RBFOX1: variants seen among roughly 807,000 people sequenced by gnomAD.
RBFOX1 encodes RNA binding fox-1 homolog 1, also known as RNA binding protein fox-1 homolog 1.
Under a neutral mutation model 57.7 loss-of-function variants are expected in RBFOX1, and 8 were observed. The ratio of observed to expected loss-of-function variants is 0.14; its 90% CI spans 0.08 to 0.25. RBFOX1 has a LOEUF of 0.25. Ranked by LOEUF, RBFOX1 falls within the 10% of genes least tolerant of loss-of-function variation. The pLI is 1.00. For synonymous variants in RBFOX1, 326 were observed against 222.4 expected (o/e 1.47, Z -4.15); for missense variants, 611 against 548.5 (o/e 1.11, Z -1.14).
At chr16:6,733,960 G>T (rs771211345) in intron 3 of RBFOX1, among the ~76,000 whole-genome samples, 29 of 152,086 alleles carry the variant, frequency 1.9e-4, no homozygotes, top group Non-Finnish European at 3.5e-4. Flanking sequence ...TATCTTTAAG[G>T]GTTGCCATAA....
intron 1 of RBFOX1, among the ~76,000 whole-genome samples, chr16:6,280,934 C>T (rs1464003453): frequency 6.7e-6 from 1 of 150,136 alleles, no homozygotes; most frequent in African/African-American, 2.5e-5. Context: ...GATCTGCATG[C>T]TAGCAATGCT....
chr16:6,916,770 C>G (rs535967519), intron 3 of RBFOX1, among the ~76,000 whole-genome samples: 32 of 152,266 alleles, frequency 2.1e-4, no homozygotes, highest in Admixed American at 1.1e-3. Context: ...CCCACTTAAA[C>G]TTTTCCCATC....
chr16:7,575,784 A>T (rs902654667), intron 5 of RBFOX1, among the ~76,000 whole-genome samples: 138 of 152,178 alleles, frequency 9.1e-4, no homozygotes, highest in African/African-American at 3.2e-3. Flanking sequence ...AGGTCCCAGA[A>T]AAAAGAGAAA....
At chr16:6,228,559 A>G (rs1305308841) in intron 1 of RBFOX1, among the ~76,000 whole-genome samples, 1 of 152,206 alleles carries the variant, frequency 6.6e-6, no homozygotes, top group African/African-American at 2.4e-5. Context: ...ACTAAGCCAG[A>G]CATAGAAAGA....
At chr16:7,100,754 C>A (rs540702420) in intron 4 of RBFOX1, among the ~76,000 whole-genome samples, 3 of 152,080 alleles carry the variant, frequency 2.0e-5, no homozygotes, top group African/African-American at 7.2e-5. Flanking sequence ...GAAAAAAGAT[C>A]CAATGGCCGT....
intron 2 of RBFOX1, among the ~76,000 whole-genome samples, chr16:6,557,033 ACACAT>A (rs2097109851): frequency 1.2e-4 from 15 of 124,506 alleles, no homozygotes; most frequent in African/African-American, 3.5e-4. Context: ...ATACATATAT[ACACAT>A]ATATATACAT....
Position 7,091,231 on chromosome 16 carries a change from T to G in RBFOX1, c.27+39133T>G, listed in dbSNP as rs185926572. ...CAAGTACACTTCCTCTGTTTTTACT[T>G]TAAGTTAAAATACTGCAATTTTTAA... On this transcript the variant is annotated intron_variant, in intron 4 of 15. Coordinates refer to ENST00000550418, the MANE Select transcript of RBFOX1 (RefSeq NM_018723.4). Among the ~76,000 whole-genome samples the G allele has an allele frequency of 1.2e-3, 188 of 152,268 alleles. 1 individual carries two copies. Among genetic ancestry groups the G allele is most frequent in the Non-Finnish European group, 2.0e-3 (133 of 68,030 alleles).
intron 4 of RBFOX1, among the ~76,000 whole-genome samples, chr16:5,939,492 C>T (rs2059238285): frequency 6.6e-6 from 1 of 152,174 alleles, no homozygotes; most frequent in African/African-American, 2.4e-5. Flanking sequence ...TCATGGAGGA[C>T]CTTCCACAGG....
intron 4 of RBFOX1, among the ~76,000 whole-genome samples, chr16:7,258,752 T>C (rs1462566928): frequency 1.3e-5 from 2 of 152,196 alleles, no homozygotes; most frequent in African/African-American, 4.8e-5. Context: ...TAACCTCAAC[T>C]TTATTAGTTG....
At chr16:5,749,675 G>A in intron 3 of RBFOX1, among the ~76,000 whole-genome samples, 1 of 152,162 alleles carries the variant, frequency 6.6e-6, no homozygotes, top group East Asian at 1.9e-4. Context: ...TGAAGCTTAT[G>A]CATTCGTCAC....
chr16:6,552,985 C>T (rs1567656393), intron 2 of RBFOX1, among the ~76,000 whole-genome samples: 1 of 152,088 alleles, frequency 6.6e-6, no homozygotes, highest in African/African-American at 2.4e-5. Flanking sequence ...AAAGAAAAAG[C>T]ATCAGCTGCC....
intron 14 of RBFOX1, chr16:7,693,479 GAAA>G: frequency 1.4e-5 from 7 of 502,610 alleles, no homozygotes; most frequent in South Asian, 3.1e-5. Flanking sequence ...GTTTAGTTAA[GAAA>G]AAAAAAAAAG....
intron 2 of RBFOX1, among the ~76,000 whole-genome samples, chr16:6,512,614 G>A (rs891274443): frequency 1.4e-4 from 21 of 152,136 alleles, no homozygotes; most frequent in Non-Finnish European, 2.9e-4. Flanking sequence ...CCTAGGAAAT[G>A]TTACACATTT....
intron 4 of RBFOX1, among the ~76,000 whole-genome samples, chr16:5,882,203 C>G (rs903808920): frequency 1.3e-5 from 2 of 151,982 alleles, no homozygotes; most frequent in African/African-American, 4.8e-5. Context: ...TTGTTTTCCA[C>G]TTTGTTTACC....
At chr16:6,812,148 T>C (rs191368684) in intron 3 of RBFOX1, among the ~76,000 whole-genome samples, 1 of 152,058 alleles carries the variant, frequency 6.6e-6, no homozygotes, top group East Asian at 1.9e-4. Context: ...TTTAAATTAA[T>C]GAATGATTTT....
At chr16:6,210,553 G>A (rs1270916643) in intron 1 of RBFOX1, among the ~76,000 whole-genome samples, 1 of 151,572 alleles carries the variant, frequency 6.6e-6, no homozygotes, top group East Asian at 2.0e-4. Flanking sequence ...AATGTAGCGA[G>A]ACCCTGTCTC....
chr16:6,197,226 A>T (rs1225140385), intron 1 of RBFOX1, among the ~76,000 whole-genome samples: 1 of 151,998 alleles, frequency 6.6e-6, no homozygotes, highest in African/African-American at 2.4e-5. Context: ...GCCCCCAAGC[A>T]TCTCTTGGTG....
intron 4 of RBFOX1, among the ~76,000 whole-genome samples, chr16:7,059,070 T>C (rs964582799): frequency 6.6e-6 from 1 of 152,204 alleles, no homozygotes; most frequent in African/African-American, 2.4e-5. Context: ...GTGATGTGGA[T>C]TGCATAATGA....
chr16:7,019,474 T>C (rs949989072), intron 3 of RBFOX1, among the ~76,000 whole-genome samples: 6 of 152,312 alleles, frequency 3.9e-5, no homozygotes, highest in Non-Finnish European at 7.3e-5. Flanking sequence ...TTGTACTTTT[T>C]GTTAAGTTGT....
Sources: gnomAD v4.1 joint callset for allele counts (sites outside exome capture counted in the v4.1 genomes callset) on GRCh38, gnomAD v4.1.1 for gene constraint, MANE v1.5 for transcripts, NCBI Gene and HGNC (gene_info 2026-07-23, HGNC 2026-07-21) for gene names.